Variants in RAP1GAP2 observed in about 807,000 individuals in gnomAD.
RAP1GAP2 encodes the protein rap1 GTPase-activating protein 2.
RAP1GAP2 carries 27 observed loss-of-function variants against 95.0 expected under a neutral mutation model. That is an observed-to-expected ratio of 0.28 (90% CI 0.21 to 0.39). The LOEUF (loss-of-function observed/expected upper bound fraction) is 0.39. Ranked by LOEUF, RAP1GAP2 falls within the 10% of genes least tolerant of loss-of-function variation. The probability of loss-of-function intolerance (pLI) is 1.00; values close to 1 mark genes in which losing one functional copy is unlikely to be tolerated. For missense variants in RAP1GAP2, 771 were observed against 970.0 expected (o/e 0.79, Z 2.72); for synonymous variants, 373 against 380.9 (o/e 0.98, Z 0.24).
At chr17:2,980,435 G>A in intron 9 of RAP1GAP2, 70 bp downstream of exon 9, 1 of 1,481,532 alleles carries the variant, frequency 6.7e-7, no homozygotes. Flanking sequence ...GAATGGGGGT[G>A]CAGGTATATC....
Position 2,819,496 on chromosome 17 carries a change from C to T in RAP1GAP2, c.80+18946C>T, listed in dbSNP as rs188008585. Among the ~76,000 whole-genome samples, 45 of 150,886 alleles carry T rather than the reference C, an allele frequency of 3.0e-4. No homozygotes were observed. In the East Asian group the frequency reaches 7.5e-3, roughly 25 times the overall value. On this transcript the variant is annotated intron_variant, in intron 2 of 24. Transcript: ENST00000254695. ...ACACACTTTTTTTTTTCTTTTTTGACGGAGTCTTGCTCTGTCACCCAGGCT... is the reference window on the plus strand; with the variant it reads ...ACACACTTTTTTTTTTCTTTTTTGATGGAGTCTTGCTCTGTCACCCAGGCT...
At chr17:2,815,560 C>A (rs1179525441) in intron 2 of RAP1GAP2, among the ~76,000 whole-genome samples, 1 of 151,714 alleles carries the variant, frequency 6.6e-6, no homozygotes, top group Non-Finnish European at 1.5e-5. Flanking sequence ...CAGCTCACTG[C>A]AACCTCCACC....
At chr17:2,777,708 C>G (rs1033474144) in intron 1 of RAP1GAP2, among the ~76,000 whole-genome samples, 3 of 152,188 alleles carry the variant, frequency 2.0e-5, no homozygotes, top group African/African-American at 4.8e-5. Flanking sequence ...CTGAAGGGCA[C>G]TTGTATGCCA....
At chr17:2,791,992 T>C (rs2068938017), upstream of RAP1GAP2, among the ~76,000 whole-genome samples, 1 of 151,964 alleles carries the variant, frequency 6.6e-6, no homozygotes, top group Admixed American at 6.6e-5. Flanking sequence ...TCCGAGGAGC[T>C]GTGATTACAG....
chr17:2,769,838 C>A (rs932290808), intron 1 of RAP1GAP2, among the ~76,000 whole-genome samples: 1 of 151,902 alleles, frequency 6.6e-6, no homozygotes, highest in Non-Finnish European at 1.5e-5. Flanking sequence ...TTTGGGAGGC[C>A]AAGGCGGGTG....
At position 2,873,474 on chromosome 17, in the gene RAP1GAP2, C is replaced by CAAAAAAAAA. The variant is rs71153308; in HGVS notation, c.81-31781_81-31773dup. Among the ~76,000 whole-genome samples the CAAAAAAAAA allele has an allele frequency of 1.4e-3, 16 of 11,422 alleles. 6 individuals carry two copies. Among genetic ancestry groups the CAAAAAAAAA allele is most frequent in the Admixed American group, 3.2e-3 (2 of 620 alleles). The allele number at this position is 11,422 out of a possible 152,430, so 7.5% of individuals were successfully genotyped here. On this transcript the variant is annotated intron_variant, in intron 2 of 24. Coordinates refer to ENST00000254695, the MANE Select transcript of RAP1GAP2 (RefSeq NM_015085.5). Reference sequence around the variant, plus strand: ...AGGGTAATAGAATGAGACCCTGTCTCAAAAAAAAAAAAAAAAAAAAAAAAA... The same window carrying CAAAAAAAAA: ...AGGGTAATAGAATGAGACCCTGTCTCAAAAAAAAAAAAAAAAAAAAAAAAAAAAAAAAAA...
rs544352503 is a variant in RAP1GAP2, at chr17:2,815,247, C to T, written c.80+14697C>T. On this transcript the variant is annotated intron_variant, in intron 2 of 24. Coordinates refer to ENST00000254695, the MANE Select transcript of RAP1GAP2 (RefSeq NM_015085.5). Reference sequence around the variant, plus strand: ...GTTTAAAGCACTTTCCCCCACAGTGCGGCTCCAGCAGTCAGGTTCACGTAC... The same window carrying T: ...GTTTAAAGCACTTTCCCCCACAGTGTGGCTCCAGCAGTCAGGTTCACGTAC... 1.5e-4 allele frequency among the ~76,000 whole-genome samples: 23 copies of T among 152,218 alleles called. No individual in the cohort carries two copies. The East Asian group carries it at 2.7e-3, about 18-fold the overall frequency.
chr17:3,027,026 TG>T lies in RAP1GAP2; in HGVS notation c.2068del (p.Ala690GlnfsTer8). On this transcript the variant is annotated frameshift_variant, in exon 22 of 25. Coordinates refer to ENST00000254695, the MANE Select transcript of RAP1GAP2 (RefSeq NM_015085.5). LOFTEE classifies it high-confidence loss of function. This position sits in a 1 kb window ranked among gnomAD's most constrained non-coding sequence, Gnocchi z 5.2. Reference sequence around the variant, plus strand: ...TCCCCGAGCAGCGAGAGCCCCAGCCTGGGGGCAGCTGCCACCCCGATCATCA... The same window carrying T: ...TCCCCGAGCAGCGAGAGCCCCAGCCTGGGGCAGCTGCCACCCCGATCATCA... ...SPSPSSESPS[L>X]GAAATPIIMS... is the part of the protein sequence containing the mutation. 1.9e-6 allele frequency: 3 copies of T among 1,573,404 alleles called. No homozygotes were observed. The highest frequency in any genetic ancestry group is 2.6e-6 in the Non-Finnish European group (3 of 1,159,784).
rs977501902 is a variant in RAP1GAP2, at chr17:3,017,685, G to C, written c.1495-376G>C. On this transcript the variant is annotated intron_variant, in intron 17 of 24. Transcript: ENST00000254695. ...AGATGAGGAAGCTGTAGCTTAGAGA[G>C]GTTAGTAACTAGGTCAGTGTCGCAC... Among the ~76,000 whole-genome samples, 3 of 152,174 alleles carry C rather than the reference G, an allele frequency of 2.0e-5. No homozygotes were observed. The East Asian group carries it at 5.8e-4, about 29-fold the overall frequency.
chr17:2,868,115 A>C (rs570907895), intron 2 of RAP1GAP2, among the ~76,000 whole-genome samples: 2 of 152,170 alleles, frequency 1.3e-5, no homozygotes, highest in Non-Finnish European at 2.9e-5. Context: ...TGTTTTGCTT[A>C]TGCTTTGTGG....
At chr17:2,809,579 C>T (rs376388054) in intron 2 of RAP1GAP2, among the ~76,000 whole-genome samples, 3 of 152,194 alleles carry the variant, frequency 2.0e-5, no homozygotes, top group South Asian at 2.1e-4. Context: ...TGGGCTTCCT[C>T]GCTGGTCTCC....
intron 19 of RAP1GAP2, 57 bp downstream of exon 19, chr17:3,020,652 C>A: frequency 6.8e-7 from 1 of 1,467,928 alleles, no homozygotes; most frequent in East Asian, 2.4e-5. Context: ...CAACCCCCTC[C>A]ACTGCTACAG....
chr17:2,788,042 G>A (rs905190103), intron 1 of RAP1GAP2, among the ~76,000 whole-genome samples: 12 of 152,116 alleles, frequency 7.9e-5, no homozygotes, highest in African/African-American at 2.4e-4. Context: ...CTATTATAAT[G>A]ATATGATTAA....
chr17:2,963,229 G>T lies in RAP1GAP2; in HGVS notation c.247-201G>T. On this transcript the variant is annotated intron_variant, in intron 5 of 24. Transcript: ENST00000254695. This position sits in a 1 kb window ranked among gnomAD's most constrained non-coding sequence, Gnocchi z 4.8. ...GGACACTGCATCATCAGCTGGCAGG[G>T]TTTATGTTTGGGTTCTGTCAGTTTG... The T allele has an allele frequency of 1.5e-6, 1 of 653,614 alleles. No homozygotes were observed. Among genetic ancestry groups the T allele is most frequent in the Non-Finnish European group, 2.7e-6 (1 of 365,148 alleles). 40.5% of individuals were successfully genotyped at this position (653,614 alleles called of 1,614,324 possible). A position where few individuals can be genotyped will look rare whatever the true frequency, so the allele number is the denominator to read the frequency against.
At chr17:2,891,611 C>T (rs2073719137) in intron 2 of RAP1GAP2, among the ~76,000 whole-genome samples, 1 of 151,238 alleles carries the variant, frequency 6.6e-6, no homozygotes, top group Non-Finnish European at 1.5e-5. Context: ...TAGTATCCTC[C>T]CAAGAAAGGG....
At chr17:2,838,911 C>T (rs1369866081) in intron 2 of RAP1GAP2, among the ~76,000 whole-genome samples, 2 of 152,126 alleles carry the variant, frequency 1.3e-5, no homozygotes, top group African/African-American at 4.8e-5. Flanking sequence ...AGCCTCAGGC[C>T]TTGGGCAGGC....
upstream of RAP1GAP2, among the ~76,000 whole-genome samples, chr17:2,794,655 C>T (rs942021088): frequency 6.6e-6 from 1 of 152,186 alleles, no homozygotes; most frequent in Non-Finnish European, 1.5e-5. Flanking sequence ...CTCCCCCAGC[C>T]CACTCAGGGC....
chr17:2,774,815 CCTT>C (rs2068462275), upstream of RAP1GAP2, among the ~76,000 whole-genome samples: 1 of 107,494 alleles, frequency 9.3e-6, no homozygotes, highest in Non-Finnish European at 1.8e-5. Context: ...TCCCTGCTAT[CCTT>C]TTTTTTTTTT....
At chr17:3,017,180 G>T (rs1012748437) in intron 17 of RAP1GAP2, among the ~76,000 whole-genome samples, 3 of 152,054 alleles carry the variant, frequency 2.0e-5, no homozygotes, top group Non-Finnish European at 4.4e-5. Context: ...CATCCCTCCC[G>T]TGGCTGAGTA....
Sources: allele counts gnomAD v4.1 joint callset (sites outside exome capture counted in the v4.1 genomes callset), GRCh38; gene constraint gnomAD v4.1.1; non-coding constraint Gnocchi (gnomAD v3.1); transcripts MANE v1.5; gene names NCBI Gene and HGNC (gene_info 2026-07-23, HGNC 2026-07-21).